The following NLRP11 variants were observed in gnomAD, a reference collection of about 807,000 sequenced individuals.
The protein encoded by NLRP11 is NLR family pyrin domain containing 11, also known as NACHT, LRR and PYD domains-containing protein 11.
In NLRP11, 53 loss-of-function variants were observed where a neutral mutation model predicts 79.3. The ratio of observed to expected loss-of-function variants is 0.67; its 90% CI spans 0.54 to 0.84. The LOEUF (loss-of-function observed/expected upper bound fraction) is 0.84. Ranked by LOEUF, NLRP11 falls within the 40% of genes least tolerant of loss-of-function variation. The pLI, the probability that NLRP11 is intolerant of heterozygous loss-of-function variation, is 0.00. For synonymous variants in NLRP11, 518 were observed against 462.6 expected (o/e 1.12, Z -1.54); for missense variants, 1,264 against 1,255.0 (o/e 1.01, Z -0.11).
At chr19:55,804,699 G>A (rs936951594) in intron 4 of NLRP11, among the ~76,000 whole-genome samples, 2 of 152,182 alleles carry the variant, frequency 1.3e-5, no homozygotes, top group East Asian at 1.9e-4. Context: ...AAATATGTAC[G>A]TCAAACCTGT....
At chr19:55,833,138 T>C (rs1422740690), upstream of NLRP11, among the ~76,000 whole-genome samples, 2 of 152,212 alleles carry the variant, frequency 1.3e-5, no homozygotes, top group Non-Finnish European at 2.9e-5. Flanking sequence ...CTAGAAATAA[T>C]TCTTATAAGA....
At chr19:55,795,456 G>A (rs35735022) in intron 6 of NLRP11, among the ~76,000 whole-genome samples, 1 of 152,236 alleles carries the variant, frequency 6.6e-6, no homozygotes, top group African/African-American at 2.4e-5. Context: ...CTATGGCCTA[G>A]GTGCTGTGTT....
chr19:55,825,017 G>C lies in NLRP11; in HGVS notation c.-62-6781C>G, dbSNP rs1282799127. Among the ~76,000 whole-genome samples the C allele has an allele frequency of 8.8e-3, 333 of 37,936 alleles. 19 individuals are homozygous for C. The highest frequency in any genetic ancestry group is 9.4e-3 in the Non-Finnish European group (239 of 25,472). The allele number at this position is 37,936 out of a possible 152,430, so 24.9% of individuals were successfully genotyped here. ...AATTGACCACATAGTTGGAAGTAAA[G>C]CTCTCCTCAGCAAATGTAAAAGAAC... On this transcript the variant is annotated intron_variant, in intron 1 of 9. Transcript: ENST00000589093.
At chr19:55,796,125 A>G in exon 6 of NLRP11, 1 of 1,614,122 alleles carries the variant, frequency 6.2e-7, no homozygotes, top group Non-Finnish European at 8.5e-7. Flanking sequence ...GGCATCACAC[A>G]GTATGTTCAT....
intron 2 of NLRP11, among the ~76,000 whole-genome samples, chr19:55,812,913 A>G (rs1980743231): frequency 6.6e-6 from 1 of 152,194 alleles, no homozygotes; most frequent in African/African-American, 2.4e-5. Flanking sequence ...CTTATCTTCA[A>G]GTTAATAATG....
At chr19:55,787,438 G>A (rs951241013) in intron 9 of NLRP11, among the ~76,000 whole-genome samples, 10 of 152,182 alleles carry the variant, frequency 6.6e-5, no homozygotes, top group Admixed American at 6.5e-4. Context: ...CCAGGTTCAA[G>A]TGATTCTCGT....
intron 2 of NLRP11, among the ~76,000 whole-genome samples, 180 bp downstream of exon 2, chr19:55,817,724 A>G (rs1410096886): frequency 1.3e-5 from 2 of 151,510 alleles, no homozygotes; most frequent in Non-Finnish European, 2.9e-5. Context: ...TACAGTGTGC[A>G]CTGCTCAGAC....
intron 1 of NLRP11, among the ~76,000 whole-genome samples, chr19:55,822,065 C>T (rs1409539317): frequency 6.6e-6 from 1 of 152,092 alleles, no homozygotes; most frequent in African/African-American, 2.4e-5. Flanking sequence ...CCGAGACTAG[C>T]CGGGCCATCA....
chr19:55,785,505 A>T (rs1322160787), exon 10 of NLRP11: 2 of 741,128 alleles, frequency 2.7e-6, no homozygotes, highest in African/African-American at 4.0e-5. Flanking sequence ...ACACACACAC[A>T]CACACACACA....
At chr19:55,832,060 CCT>C (rs1298101655), upstream of NLRP11, 1 of 152,306 alleles carries the variant, frequency 6.6e-6, no homozygotes, top group Admixed American at 6.5e-5. Flanking sequence ...CCAGCTGACT[CCT>C]CTCTTGATTG....
intron 1 of NLRP11, among the ~76,000 whole-genome samples, chr19:55,820,148 T>G (rs1303287901): frequency 1.3e-5 from 2 of 152,122 alleles, no homozygotes; most frequent in Non-Finnish European, 2.9e-5. Context: ...GACCTGCAAC[T>G]AGTAAGCAGT....
intron 9 of NLRP11, 121 bp downstream of exon 9, chr19:55,788,686 G>C (rs1990038305): frequency 3.0e-6 from 2 of 666,904 alleles, no homozygotes; most frequent in Middle Eastern, 3.3e-4. Context: ...GTTGCAATGA[G>C]CCAAGATCAC....
At chr19:55,814,975 T>C (rs1410489596) in intron 2 of NLRP11, among the ~76,000 whole-genome samples, 1 of 152,200 alleles carries the variant, frequency 6.6e-6, no homozygotes, top group East Asian at 1.9e-4. Context: ...CATCAAGTTG[T>C]ACACCTTAAG....
exon 8 of NLRP11, chr19:55,789,256 T>C: frequency 3.1e-6 from 5 of 1,613,448 alleles, no homozygotes; most frequent in Non-Finnish European, 4.2e-6. Context: ...GCAGTTGGGA[T>C]GTCTCAAACC....
intron 4 of NLRP11, among the ~76,000 whole-genome samples, chr19:55,802,634 G>A (rs1010812739): frequency 6.6e-6 from 1 of 152,112 alleles, no homozygotes; most frequent in African/African-American, 2.4e-5. Flanking sequence ...ATTACCAATG[G>A]CATTCTTCAC....
intron 1 of NLRP11, among the ~76,000 whole-genome samples, chr19:55,822,991 C>T (rs1366957101): frequency 1.3e-5 from 2 of 151,716 alleles, no homozygotes; most frequent in Non-Finnish European, 2.9e-5. Flanking sequence ...CAGCAGTAAC[C>T]TCTGCAGACT....
At chr19:55,833,730 C>T (rs1413051959), upstream of NLRP11, among the ~76,000 whole-genome samples, 30 of 142,430 alleles carry the variant, frequency 2.1e-4, 1 homozygote, top group Middle Eastern at 3.8e-3. Flanking sequence ...ATCAGGCCAC[C>T]GCACTCCAGC....
chr19:55,803,477 A>G (rs1979681056), intron 4 of NLRP11, among the ~76,000 whole-genome samples: 1 of 152,246 alleles, frequency 6.6e-6, no homozygotes. Context: ...GTAATTAAAC[A>G]GAAGTGCTTC....
chr19:55,799,562 G>A (rs75336414), intron 5 of NLRP11, among the ~76,000 whole-genome samples: 1 of 152,136 alleles, frequency 6.6e-6, no homozygotes, highest in East Asian at 1.9e-4. Context: ...GTTTGGGGAG[G>A]GGGGCATTGA....
Sources: allele counts gnomAD v4.1 joint callset (sites outside exome capture counted in the v4.1 genomes callset), GRCh38; gene constraint gnomAD v4.1.1; transcripts MANE v1.5; gene names NCBI Gene and HGNC (gene_info 2026-07-23, HGNC 2026-07-21).